The following MUC3A variants were observed in gnomAD, a reference collection of about 807,000 sequenced individuals.
MUC3A encodes the protein mucin-3A.
MUC3A carries 109 observed loss-of-function variants against 109.0 expected under a neutral mutation model. The observed-to-expected ratio is 1.00, with a 90% CI of 0.86 to 1.17. The LOEUF (loss-of-function observed/expected upper bound fraction) is 1.17. Among genes scored for constraint, MUC3A ranks in the 50% most tolerant of loss-of-function variants. The probability of loss-of-function intolerance (pLI) is 0.00; values close to 1 mark genes in which losing one functional copy is unlikely to be tolerated. For missense variants in MUC3A, 3,537 were observed against 2,469.4 expected (o/e 1.43, Z -9.16); for synonymous variants, 1,398 against 981.4 (o/e 1.42, Z -7.93).
At position 100,966,795 on chromosome 7, in the gene MUC3A, C is replaced by G. The variant is rs587698605; in HGVS notation, c.9877+52C>G. The G allele has an allele frequency of 7.5e-6, 12 of 1,598,422 alleles. No homozygotes were observed. The South Asian group carries it at 1.2e-4, about 16-fold the overall frequency. On this transcript the variant is annotated intron_variant, in intron 10 of 11. Coordinates refer to ENST00000379458, the MANE Select transcript of MUC3A (RefSeq NM_005960.2). ...GCAGAGGCTTTCCTGGGCACCACTGCGAGGACAGACGCCCTCCCTGCCTTC... is the reference window on the plus strand; with the variant it reads ...GCAGAGGCTTTCCTGGGCACCACTGGGAGGACAGACGCCCTCCCTGCCTTC...
In MUC3A at chr7:100,956,077, C is replaced by T; in HGVS notation, c.4298C>T (p.Thr1433Ile). The T allele has an allele frequency of 2.3e-6, 1 of 439,146 alleles. No homozygotes were observed. Among genetic ancestry groups the T allele is most frequent in the Non-Finnish European group, 4.0e-6 (1 of 250,822 alleles). The allele number at this position is 439,146 out of a possible 1,614,324, so 27.2% of individuals were successfully genotyped here. ...CCTGTCCCAAGCACAGAGGTGACCA[C>T]CAGTCATACCACAAACACCAATCCT... ...STPVPSTEVT[T>I]SHTTNTNPVS... Residue 1433 changes from threonine (T) to isoleucine (I), a missense_variant, in exon 2 of 12, where the codon ACC becomes ATC. Thr to Ile is a moderately conservative substitution (Grantham distance 89, BLOSUM62 -1). Coordinates refer to ENST00000379458, the MANE Select transcript of MUC3A (RefSeq NM_005960.2).
chr7:100,961,083 T>A (rs979954523), intron 3 of MUC3A, 146 bp downstream of exon 3: 1 of 1,518,292 alleles, frequency 6.6e-7, no homozygotes, highest in African/African-American at 1.4e-5. Context: ...TGCCCTCCGC[T>A]GCCCTGTGTC....
chr7:100,953,188 C>A lies in MUC3A; in HGVS notation c.1409C>A (p.Ser470Ter). The part of the protein sequence containing the change: ...GFLTTATDLT[S>*]TFTVSSSSAM... Reference sequence around the variant, plus strand: ...CTGACTACAGCAACAGACCTCACATCAACATTCACGGTTTCCAGTTCCTCA... The same window carrying A: ...CTGACTACAGCAACAGACCTCACATAAACATTCACGGTTTCCAGTTCCTCA... The change falls in exon 2 of 12, where the codon TCA becomes TAA. Residue 470 changes from serine (S) to a stop codon, truncating the protein, a stop_gained. Transcript: ENST00000379458. LOFTEE classifies it high-confidence loss of function. The A allele has an allele frequency of 1.6e-6, 1 of 606,336 alleles. No homozygotes were observed. Among genetic ancestry groups the A allele is most frequent in the South Asian group, 2.0e-5 (1 of 49,250 alleles). 37.6% of individuals were successfully genotyped at this position (606,336 alleles called of 1,614,324 possible).
chr7:100,966,708 C>T lies in MUC3A; in HGVS notation c.9842C>T (p.Thr3281Ile). 2 of 1,598,552 alleles carry T rather than the reference C, an allele frequency of 1.3e-6. No homozygotes were observed. Among genetic ancestry groups the T allele is most frequent in the Non-Finnish European group, 1.7e-6 (2 of 1,179,834 alleles). The change falls in exon 10 of 12, where the codon ACT (threonine) becomes ATT (isoleucine). Residue 3281 changes from threonine to isoleucine, a missense_variant. By Grantham distance (89) the Thr-to-Ile change is moderately conservative. Coordinates refer to ENST00000379458, the MANE Select transcript of MUC3A (RefSeq NM_005960.2). ...FETWDEEVVG[T>I]FSNWGFEDDG... ...ACCTGGGATGAGGAAGTCGTGGGCA[C>T]TTTTTCAAACTGGGGTTTCGAGGAC...
chr7:100,952,205 C>G lies in MUC3A; in HGVS notation c.426C>G (p.Thr142=). 1 of 1,598,550 alleles carries G rather than the reference C, an allele frequency of 6.3e-7. No individual in the cohort carries two copies. The highest frequency in any genetic ancestry group is 1.7e-5 in the Admixed American group (1 of 60,028). The part of the protein sequence containing the change: ...TSFIITISHP[T]SICVTTTQVA... ...TTATAATCACCATCTCCCACCCCAC[C>G]TCCATCTGTGTGACCACGACGCAGG... Residue 142 remains threonine, a synonymous_variant, in exon 2 of 12, where the codon ACC becomes ACG. Coordinates refer to ENST00000379458, the MANE Select transcript of MUC3A (RefSeq NM_005960.2).
At chr7:100,963,514 T>C (rs541864678) in intron 4 of MUC3A, among the ~76,000 whole-genome samples, 174 bp from the exon 5 acceptor site, 1 of 96,216 alleles carries the variant, frequency 1.0e-5, no homozygotes, top group East Asian at 1.9e-4. Flanking sequence ...CTCGAACTAC[T>C]GACTTTGTGA....
In MUC3A at chr7:100,954,989, TACAC is replaced by T; in HGVS notation, c.3211_3214del (p.Thr1071SerfsTer37). The T allele has an allele frequency of 2.1e-6, 1 of 483,044 alleles. No homozygotes were observed. The highest frequency in any genetic ancestry group is 3.6e-6 in the Non-Finnish European group (1 of 274,946). 29.9% of individuals were successfully genotyped at this position (483,044 alleles called of 1,614,324 possible). A position where few individuals can be genotyped will look rare whatever the true frequency, so the allele number is the denominator to read the frequency against. On this transcript the variant is annotated frameshift_variant, in exon 2 of 12. Transcript: ENST00000379458. LOFTEE classifies it high-confidence loss of function. ...CCACCCCTCTATCCACCTTGGTGACTACACTCCTCACTACCATCACCAGATCTAC... is the reference window on the plus strand; with the variant it reads ...CCACCCCTCTATCCACCTTGGTGACTTCCTCACTACCATCACCAGATCTAC...
Position 100,954,051 on chromosome 7 carries a change from C to G in MUC3A, c.2272C>G (p.Pro758Ala), listed in dbSNP as rs1412015696. 19 of 503,310 alleles carry G rather than the reference C, an allele frequency of 3.8e-5. No individual in the cohort carries two copies. Among genetic ancestry groups the G allele is most frequent in the Admixed American group, 9.3e-5 (3 of 32,374 alleles). 31.2% of individuals were successfully genotyped at this position (503,310 alleles called of 1,614,324 possible). ...LVSTAKTAKT[P>A]TTNLVTTTTK... Reference sequence around the variant, plus strand: ...CTCAACTGCAAAAACAGCCAAAACTCCTACCACAAACTTGGTAACCACCAC... The same window carrying G: ...CTCAACTGCAAAAACAGCCAAAACTGCTACCACAAACTTGGTAACCACCAC... Residue 758 changes from proline (P) to alanine (A), a missense_variant, in exon 2 of 12, where the codon CCT (proline) becomes GCT (alanine). Physicochemically the swap from Pro to Ala is conservative, Grantham distance 27 (BLOSUM62 -1). Transcript: ENST00000379458.
chr7:100,961,544 T>G (rs1792326802), intron 3 of MUC3A, among the ~76,000 whole-genome samples: 1 of 152,310 alleles, frequency 6.6e-6, no homozygotes. Flanking sequence ...ATCAGCTGAT[T>G]ACGCCGGGCG....
At position 100,958,495 on chromosome 7, in the gene MUC3A, T is replaced by C; in HGVS notation, c.6716T>C (p.Phe2239Ser). 1.0e-6 allele frequency: 1 copy of C among 990,700 alleles called. No homozygotes were observed. Among genetic ancestry groups the C allele is most frequent in the Non-Finnish European group, 1.6e-6 (1 of 632,198 alleles). The allele number at this position is 990,700 out of a possible 1,614,324, so 61.4% of individuals were successfully genotyped here. ...ACCACATCCCACAGTACTCCCGGCTTCACTTCTTCAATCACCACCACTGAG... is the reference window on the plus strand; with the variant it reads ...ACCACATCCCACAGTACTCCCGGCTCCACTTCTTCAATCACCACCACTGAG... ...TETTSHSTPG[F>S]TSSITTTETT... The change falls in exon 2 of 12, where the codon TTC becomes TCC. Residue 2239 changes from phenylalanine (F) to serine (S), a missense_variant. Physicochemically the swap from Phe to Ser is radical, Grantham distance 155 (BLOSUM62 -2). Coordinates refer to ENST00000379458, the MANE Select transcript of MUC3A (RefSeq NM_005960.2).
Position 100,957,222 on chromosome 7 carries a change from A to C in MUC3A, c.5443A>C (p.Asn1815His). 2.1e-6 allele frequency: 1 copy of C among 475,340 alleles called. No individual in the cohort carries two copies. Among genetic ancestry groups the C allele is most frequent in the Non-Finnish European group, 3.7e-6 (1 of 272,966 alleles). The allele number at this position is 475,340 out of a possible 1,614,324, so 29.4% of individuals were successfully genotyped here. A position where few individuals can be genotyped will look rare whatever the true frequency, so the allele number is the denominator to read the frequency against. ...AGAAGCGATCACCAGTGGTACCACA[A>C]ACACCACCCCTCTATCTACATTGGT... is the stretch of plus-strand genomic sequence containing the variant. ...STEAITSGTT[N>H]TTPLSTLVTT... The change falls in exon 2 of 12, where the codon AAC (asparagine) becomes CAC (histidine). Residue 1815 changes from asparagine to histidine, a missense_variant. Coordinates refer to ENST00000379458, the MANE Select transcript of MUC3A (RefSeq NM_005960.2).
rs1792100946 is a variant in MUC3A, at chr7:100,956,511, A to G, written c.4732A>G (p.Thr1578Ala). 2.1e-6 allele frequency: 1 copy of G among 480,000 alleles called. No homozygotes were observed. Among genetic ancestry groups the G allele is most frequent in the Non-Finnish European group, 3.7e-6 (1 of 273,786 alleles). The allele number at this position is 480,000 out of a possible 1,614,324, so 29.7% of individuals were successfully genotyped here. Residue 1578 changes from threonine to alanine, a missense_variant, in exon 2 of 12, where the codon ACT becomes GCT. Thr to Ala is a moderately conservative substitution (Grantham distance 58). Transcript: ENST00000379458. Reference protein sequence around the residue: ...STGIPTSQPTTITPSSVGISG... With the variant: ...STGIPTSQPTAITPSSVGISG... Reference sequence around the variant, plus strand: ...AGGTATCCCTACCTCACAACCAACAACTATTACTCCCTCATCCGTGGGCAT... The same window carrying G: ...AGGTATCCCTACCTCACAACCAACAGCTATTACTCCCTCATCCGTGGGCAT...
In MUC3A at chr7:100,965,792, C is replaced by A. The variant is rs1416370693; in HGVS notation, c.9537C>A (p.Cys3179Ter). The A allele has an allele frequency of 1.1e-5, 18 of 1,597,482 alleles. No homozygotes were observed. The highest frequency in any genetic ancestry group is 1.3e-5 in the African/African-American group (1 of 74,924). ...CCCGGCTCCGCTGTGTCACCAAATG[C>A]ACGTCGGGGGTGGACAACGCCATCG... ...EATRLRCVTK[C>*]TSGVDNAIDC... The change falls in exon 8 of 12, where the codon TGC (cysteine) becomes TGA (stop). Residue 3179 changes from cysteine to a stop codon, truncating the protein, a stop_gained. Transcript: ENST00000379458. LOFTEE classifies it high-confidence loss of function.
At chr7:100,950,276 C>G (rs1204173015) in intron 1 of MUC3A, among the ~76,000 whole-genome samples, 1 of 152,310 alleles carries the variant, frequency 6.6e-6, no homozygotes, top group African/African-American at 2.4e-5. Context: ...CAGGGAGCTC[C>G]TGATGTCCAC....
At position 100,963,110 on chromosome 7, in the gene MUC3A, GCAGA is replaced by G. The variant is rs1417873971; in HGVS notation, c.9053-36_9053-33del. On this transcript the variant is annotated intron_variant, in intron 3 of 11. Transcript: ENST00000379458. ...GTGGTGTTGGTGGCTTCAGACAAAA[GCAGA>G]CAGAGAAGTGACTGGGGACATGCAT... The G allele has an allele frequency of 2.5e-6, 4 of 1,585,146 alleles. No individual in the cohort carries two copies. The African/African-American group carries it at 4.0e-5, about 16-fold the overall frequency.
At chr7:100,964,100 C>G (rs1350374213) in intron 5 of MUC3A, 1 of 470,682 alleles carries the variant, frequency 2.1e-6, no homozygotes, top group Non-Finnish European at 3.8e-6. Context: ...GGAGAGAACG[C>G]ACGTCTAGGG....
Position 100,960,230 on chromosome 7 carries a change from C to T in MUC3A, c.8451C>T (p.Thr2817=), listed in dbSNP as rs912845282. The change falls in exon 2 of 12, where the codon ACC becomes ACT. Residue 2817 remains threonine (T), a synonymous_variant. Transcript: ENST00000379458. ...CTACCGAAATGGTCACCTGTCCTAC[C>T]TCCATCAGTATCCAAACTACTCTTA... is the stretch of plus-strand genomic sequence containing the variant. ...PFTTEMVTCP[T]SISIQTTLTT... The T allele has an allele frequency of 3.8e-6, 6 of 1,598,082 alleles. No homozygotes were observed. Among genetic ancestry groups the T allele is most frequent in the African/African-American group, 2.7e-5 (2 of 74,964 alleles).
chr7:100,952,170 CCAA>C lies in MUC3A; in HGVS notation c.393_395del (p.Thr132del). ...TTCAGCCACCACTGAGTGCGTGTAT[CCAA>C]CGAGCTTTATAATCACCATCTCCCA... On this transcript the variant is annotated inframe_deletion, in exon 2 of 12. Transcript: ENST00000379458. 1.3e-6 allele frequency: 2 copies of C among 1,598,508 alleles called. No individual in the cohort carries two copies. The highest frequency in any genetic ancestry group is 1.7e-6 in the Non-Finnish European group (2 of 1,179,748).
In MUC3A at chr7:100,959,819, C is replaced by T. The variant is rs1792253901; in HGVS notation, c.8040C>T (p.Ile2680=). 1.9e-6 allele frequency: 3 copies of T among 1,585,216 alleles called. No individual in the cohort carries two copies. Among genetic ancestry groups the T allele is most frequent in the African/African-American group, 1.3e-5 (1 of 74,954 alleles). ...CAATCTTGACTTCTTTTAGTACCAT[C>T]ATCTGGTCCTCAACACCCACTATTA... ...TNAILTSFST[I]IWSSTPTIIM... Residue 2680 remains isoleucine (I), a synonymous_variant, in exon 2 of 12, where the codon ATC becomes ATT. Transcript: ENST00000379458.
Sources: allele counts gnomAD v4.1 joint callset (sites outside exome capture counted in the v4.1 genomes callset), GRCh38; gene constraint gnomAD v4.1.1; transcripts MANE v1.5; gene names NCBI Gene and HGNC (gene_info 2026-07-23, HGNC 2026-07-21).